The following CIBAR1 variants were observed in gnomAD, a reference collection of about 807,000 sequenced individuals.
The protein encoded by CIBAR1 is CBY1 interacting BAR domain containing 1.
Under a neutral mutation model 44.0 loss-of-function variants are expected in CIBAR1, and 25 were observed. The ratio of observed to expected loss-of-function variants is 0.57; its 90% CI spans 0.41 to 0.79. The LOEUF (loss-of-function observed/expected upper bound fraction) is 0.79, where lower values mean the gene tolerates loss of function less well. Ranked by LOEUF, CIBAR1 falls within the 30% of genes least tolerant of loss-of-function variation. The pLI, the probability that CIBAR1 is intolerant of heterozygous loss-of-function variation, is 0.00. For synonymous variants in CIBAR1, 115 were observed against 119.0 expected, an observed-to-expected ratio of 0.97 and a Z score of 0.22; for missense variants, 278 against 344.8, an observed-to-expected ratio of 0.81 and a Z score of 1.53.
At chr8:93,722,839 G>T (rs1209049708) in intron 7 of CIBAR1, among the ~76,000 whole-genome samples, 1 of 152,126 alleles carries the variant, frequency 6.6e-6, no homozygotes, top group Non-Finnish European at 1.5e-5. Flanking sequence ...AATGTTAATT[G>T]TAATAAATAT....
At chr8:93,726,288 G>T in intron 7 of CIBAR1, 106 bp from the exon 8 acceptor site, 4 of 926,974 alleles carry the variant, frequency 4.3e-6, no homozygotes, top group Non-Finnish European at 4.7e-6. Context: ...TTGTCCATTT[G>T]GGGGGAGTTG....
intron 3 of CIBAR1, 143 bp downstream of exon 3, chr8:93,703,831 G>A (rs967086986): frequency 5.2e-6 from 3 of 578,370 alleles, no homozygotes; most frequent in South Asian, 3.4e-5. Context: ...TTGGGAGGTC[G>A]AGGCGGGCGG....
chr8:93,714,663 T>A (rs1019315765), intron 6 of CIBAR1, among the ~76,000 whole-genome samples: 1 of 151,850 alleles, frequency 6.6e-6, no homozygotes, highest in African/African-American at 2.4e-5. Context: ...TTTTTTTTTT[T>A]AATAGAGCTG....
chr8:93,716,038 AGTTT>A (rs1411519066), intron 6 of CIBAR1: 3 of 152,080 alleles, frequency 2.0e-5, no homozygotes, highest in African/African-American at 4.8e-5. Context: ...TACAATGGTG[AGTTT>A]GTTTTTTTGT....
Position 93,730,506 on chromosome 8 carries a change from A to T in CIBAR1, c.*2209A>T, listed in dbSNP as rs1811747668. On this transcript the variant is annotated 3_prime_UTR_variant, in exon 9 of 9. Transcript: ENST00000518322. ...TGGTATACCTTGAGGATAGGAGAGGAAAAACTGGCTATGAGACGACAATTA... is the reference window on the plus strand; with the variant it reads ...TGGTATACCTTGAGGATAGGAGAGGTAAAACTGGCTATGAGACGACAATTA... The T allele has an allele frequency of 6.6e-6, 1 of 152,226 alleles. No individual in the cohort carries two copies. The highest frequency in any genetic ancestry group is 1.5e-5 in the Non-Finnish European group (1 of 68,044). 9.4% of individuals were successfully genotyped at this position (152,226 alleles called of 1,614,324 possible).
chr8:93,731,515 T>G lies in CIBAR1; in HGVS notation c.*3218T>G, dbSNP rs1029769420. 2.0e-5 allele frequency: 3 copies of G among 152,192 alleles called. No individual in the cohort carries two copies. Among genetic ancestry groups the G allele is most frequent in the Admixed American group, 2.0e-4 (3 of 15,290 alleles). The allele number at this position is 152,192 out of a possible 1,614,324, so 9.4% of individuals were successfully genotyped here. ...ACTGAGGTGCTTTTTCATATCAAATTTACCTGTTTATTCATTCCATAGCAA... is the reference window on the plus strand; with the variant it reads ...ACTGAGGTGCTTTTTCATATCAAATGTACCTGTTTATTCATTCCATAGCAA... On this transcript the variant is annotated 3_prime_UTR_variant, in exon 9 of 9. Transcript: ENST00000518322.
intron 7 of CIBAR1, among the ~76,000 whole-genome samples, chr8:93,723,749 G>C (rs1046382308): frequency 6.6e-6 from 1 of 152,076 alleles, no homozygotes; most frequent in Non-Finnish European, 1.5e-5. Context: ...GTACTTGAGG[G>C]TATGAACAGT....
At chr8:93,724,315 A>AT (rs1554607489) in intron 7 of CIBAR1, among the ~76,000 whole-genome samples, 26 of 152,290 alleles carry the variant, frequency 1.7e-4, no homozygotes, top group Non-Finnish European at 7.4e-5. Context: ...TGAGAAATGT[A>AT]TAAGTTTTAT....
chr8:93,726,513 G>C lies in CIBAR1; in HGVS notation c.777G>C (p.Gln259His), dbSNP rs760265060. Residue 259 changes from glutamine to histidine, a missense_variant and splice_region_variant, in exon 8 of 9, where the codon CAG becomes CAC. This residue lies in a region of CIBAR1 where 93 missense variants were observed against 108.9 expected (regional missense o/e 0.85). Transcript: ENST00000518322. ...CTAAGTGTGTATCTGGAACAGGACA[G>C]GTGAGCAAGAAACCGTACTCTAAAG... ...LSAKCVSGTG[Q>H]VSTCRLRKDQ... 1.9e-6 allele frequency: 3 copies of C among 1,613,392 alleles called. No individual in the cohort carries two copies. Among genetic ancestry groups the C allele is most frequent in the Non-Finnish European group, 2.5e-6 (3 of 1,179,546 alleles).
intron 6 of CIBAR1, 40 bp from the exon 7 acceptor site, chr8:93,718,635 T>A: frequency 8.4e-7 from 1 of 1,193,336 alleles, no homozygotes; most frequent in East Asian, 2.6e-5. Flanking sequence ...ATAAAGAAAT[T>A]TAAATCATTG....
At chr8:93,708,957 A>G (rs998177004) in intron 5 of CIBAR1, among the ~76,000 whole-genome samples, 3 of 152,178 alleles carry the variant, frequency 2.0e-5, no homozygotes, top group African/African-American at 7.2e-5. Context: ...TAATCCATAC[A>G]ATAGTCCTAT....
chr8:93,715,731 A>T (rs1348794382), intron 6 of CIBAR1: 1 of 152,178 alleles, frequency 6.6e-6, no homozygotes, highest in Non-Finnish European at 1.5e-5. Flanking sequence ...CAAGAAACAG[A>T]TCCATATCAT....
At chr8:93,708,988 G>C (rs1810712134) in intron 5 of CIBAR1, among the ~76,000 whole-genome samples, 1 of 152,120 alleles carries the variant, frequency 6.6e-6, no homozygotes, top group Non-Finnish European at 1.5e-5. Context: ...TAAAGAGTAA[G>C]AGATAATAGG....
chr8:93,720,273 C>T (rs978956474), intron 7 of CIBAR1, among the ~76,000 whole-genome samples: 2 of 152,032 alleles, frequency 1.3e-5, no homozygotes, highest in African/African-American at 2.4e-5. Context: ...TGAGCCACTG[C>T]GCCTGGCCTA....
At position 93,700,722 on chromosome 8, in the gene CIBAR1, G is replaced by C. The variant is rs1466693312; in HGVS notation, c.26+49G>C. 7 of 1,469,960 alleles carry C rather than the reference G, an allele frequency of 4.8e-6. No individual in the cohort carries two copies. The East Asian group carries it at 8.8e-5, about 19-fold the overall frequency. 91.1% of individuals were successfully genotyped at this position (1,469,960 alleles called of 1,614,324 possible). On this transcript the variant is annotated intron_variant, in intron 1 of 8. Transcript: ENST00000518322. ...CAGGGCCGCCCACACTGGAGGGCTG[G>C]GGTGAGGGAAGTGGAAGCCTCTGTC... is the stretch of plus-strand genomic sequence containing the variant.
intron 6 of CIBAR1, among the ~76,000 whole-genome samples, chr8:93,713,697 C>T (rs1810922791): frequency 6.6e-6 from 1 of 152,132 alleles, no homozygotes; most frequent in Non-Finnish European, 1.5e-5. Context: ...CATTCTTTTG[C>T]ATATGACTGT....
intron 6 of CIBAR1, among the ~76,000 whole-genome samples, chr8:93,717,707 A>G (rs986967095): frequency 3.3e-5 from 5 of 152,212 alleles, no homozygotes; most frequent in South Asian, 4.1e-4. Context: ...GAAAATGTGT[A>G]TTTGACTACT....
In CIBAR1 at chr8:93,730,726, T is replaced by G. The variant is rs1563656505; in HGVS notation, c.*2429T>G. 6.6e-6 allele frequency: 1 copy of G among 151,982 alleles called. No homozygotes were observed. The allele number at this position is 151,982 out of a possible 1,614,324, so 9.4% of individuals were successfully genotyped here. A position where few individuals can be genotyped will look rare whatever the true frequency, so the allele number is the denominator to read the frequency against. ...TATTGACATATCACTAAAGGCAGAG[T>G]TGGAGAGAGATGTGCAAAGATGGCT... On this transcript the variant is annotated 3_prime_UTR_variant, in exon 9 of 9. Transcript: ENST00000518322.
intron 4 of CIBAR1, among the ~76,000 whole-genome samples, chr8:93,706,515 A>G (rs1418123820): frequency 1.3e-5 from 2 of 152,192 alleles, no homozygotes; most frequent in African/African-American, 4.8e-5. Flanking sequence ...GTGGTGATAC[A>G]TGAAGACATC....
Sources: gnomAD v4.1 joint callset for allele counts (sites outside exome capture counted in the v4.1 genomes callset) on GRCh38, gnomAD v4.1.1 for gene constraint, gnomAD v4.1.1 regional missense constraint, MANE v1.5 for transcripts, NCBI Gene and HGNC (gene_info 2026-07-23, HGNC 2026-07-21) for gene names.